The following TMEM63B variants were observed in gnomAD, a reference collection of about 807,000 sequenced individuals.
TMEM63B encodes the protein mechanosensitive cation channel TMEM63B.
TMEM63B carries 23 observed loss-of-function variants against 102.6 expected under a neutral mutation model. That is an observed-to-expected ratio of 0.22 (90% CI 0.16 to 0.32). The LOEUF is 0.32. TMEM63B is among the 10% of genes least tolerant of loss of function. TMEM63B has a pLI of 1.00. For missense variants in TMEM63B, 628 were observed against 1,095.9 expected (o/e 0.57, Z 6.03); for synonymous variants, 444 against 437.0 (o/e 1.02, Z -0.20).
intron 22 of TMEM63B, 21 bp from the exon 23 acceptor site, chr6:44,154,344 A>G (rs1240440511): frequency 6.2e-7 from 1 of 1,613,378 alleles, no homozygotes; most frequent in Non-Finnish European, 8.5e-7. Context: ...CCACTTCCTG[A>G]CTCATTCTGG....
intron 10 of TMEM63B, among the ~76,000 whole-genome samples, 187 bp from the exon 11 acceptor site, chr6:44,146,660 A>G (rs1348910865): frequency 1.3e-5 from 2 of 152,068 alleles, no homozygotes; most frequent in Non-Finnish European, 2.9e-5. Flanking sequence ...CATGTTGGCC[A>G]GGCTGGTTTC....
chr6:44,141,210 T>G, intron 10 of TMEM63B, 112 bp downstream of exon 10: 1 of 1,068,102 alleles, frequency 9.4e-7, no homozygotes, highest in South Asian at 1.6e-5. Context: ...GTGGGTGGGA[T>G]AGAGATTAGA....
intron 20 of TMEM63B, 124 bp from the exon 21 acceptor site, chr6:44,153,552 G>A (rs1767279973): frequency 8.6e-7 from 1 of 1,160,086 alleles, no homozygotes; most frequent in Non-Finnish European, 1.2e-6. Flanking sequence ...ATCCCGTCCT[G>A]GGGCCCGGGC....
intron 21 of TMEM63B, 93 bp from the exon 22 acceptor site, chr6:44,153,980 G>A (rs958229813): frequency 6.4e-7 from 1 of 1,551,990 alleles, no homozygotes; most frequent in South Asian, 1.2e-5. Flanking sequence ...TGTAGCACCT[G>A]GGAGAGTGAG....
At chr6:44,146,825 T>A (rs751703204) in intron 10 of TMEM63B, 22 bp from the exon 11 acceptor site, 3 of 1,613,392 alleles carry the variant, frequency 1.9e-6, no homozygotes, top group Non-Finnish European at 2.5e-6. Context: ...CTGCACAAGA[T>A]GATACATGAA....
At chr6:44,144,584 TA>T (rs754947859) in intron 10 of TMEM63B, among the ~76,000 whole-genome samples, 78 of 145,332 alleles carry the variant, frequency 5.4e-4, no homozygotes, top group African/African-American at 1.3e-3. Flanking sequence ...GTCCTTCATT[TA>T]AAAAAAAAAA....
chr6:44,153,631 C>A (rs374709091), intron 20 of TMEM63B, 45 bp from the exon 21 acceptor site: 1 of 1,588,018 alleles, frequency 6.3e-7, no homozygotes, highest in Non-Finnish European at 8.6e-7. Flanking sequence ...ACAAAAGGTT[C>A]GGCAGCACTG....
Position 44,135,271 on chromosome 6 carries a change from C to T in TMEM63B, c.240-57C>T, listed in dbSNP as rs573290252. On this transcript the variant is annotated intron_variant, in intron 3 of 23. Transcript: ENST00000323267. ...CCCTAAGTTGGGCCCCTGTTCCTCA[C>T]CTGTCCCCAGGGACTCTCCCCCGCC... The T allele has an allele frequency of 5.7e-6, 9 of 1,589,210 alleles. No individual in the cohort carries two copies. The South Asian group carries it at 9.1e-5, about 16-fold the overall frequency.
intron 18 of TMEM63B, among the ~76,000 whole-genome samples, chr6:44,151,184 C>T (rs1047462577): frequency 6.6e-6 from 1 of 152,012 alleles, no homozygotes; most frequent in Admixed American, 6.5e-5. Flanking sequence ...AGTACAAGTT[C>T]TGGGAACATC....
rs1252746747 is a variant in TMEM63B at position 44,148,620 on chromosome 6, C to T, written c.1229C>T (p.Ser410Phe). The change falls in exon 14 of 24, where the codon TCC becomes TTC. Residue 410 changes from serine (S) to phenylalanine (F), a missense_variant. Around this residue, in one of 6 missense-constraint regions of TMEM63B, gnomAD observed 336 missense variants for 580.3 expected, o/e 0.58. Transcript: ENST00000323267. This position sits in a 1 kb window ranked among gnomAD's most constrained non-coding sequence, Gnocchi z 5.1. Reference sequence around the variant, plus strand: ...CTGCACATCTCCAACTGGACCGTGTCCTATGCCCCTGACCCTCAGAACATC... The same window carrying T: ...CTGCACATCTCCAACTGGACCGTGTTCTATGCCCCTGACCCTCAGAACATC... ...ESLHISNWTVSYAPDPQNIYW... is the reference protein window; with the variant it reads ...ESLHISNWTVFYAPDPQNIYW... 20 of 1,614,116 alleles carry T rather than the reference C, an allele frequency of 1.2e-5. No individual in the cohort carries two copies. The highest frequency in any genetic ancestry group is 4.5e-5 in the East Asian group (2 of 44,902).
intron 1 of TMEM63B, among the ~76,000 whole-genome samples, chr6:44,133,087 G>A (rs1014991779): frequency 6.6e-6 from 1 of 152,186 alleles, no homozygotes; most frequent in Non-Finnish European, 1.5e-5. Flanking sequence ...TCTTGAAACT[G>A]AGGGCACTGG....
chr6:44,127,471 C>T (rs1310341877), upstream of TMEM63B: 2 of 151,832 alleles, frequency 1.3e-5, no homozygotes, highest in Non-Finnish European at 2.9e-5. Context: ...AGAGTGCGCG[C>T]GCACCTTGCG....
intron 1 of TMEM63B, among the ~76,000 whole-genome samples, chr6:44,130,916 C>T (rs1562111766): frequency 6.7e-6 from 1 of 149,576 alleles, no homozygotes; most frequent in Non-Finnish European, 1.5e-5. Flanking sequence ...CCCACCCTGC[C>T]TACTACTACT....
In TMEM63B at chr6:44,148,546, G is replaced by A; in HGVS notation, c.1155G>A (p.Gln385=). ...ILKDFNVCKC[Q]GCTCRGEPRP... is the part of the protein sequence containing the mutation. Reference sequence around the variant, plus strand: ...AGGACTTCAACGTGTGTAAATGCCAGGGCTGCACCTGCCGTGGGGAGCCAC... The same window carrying A: ...AGGACTTCAACGTGTGTAAATGCCAAGGCTGCACCTGCCGTGGGGAGCCAC... Residue 385 remains glutamine (Q), a synonymous_variant, in exon 14 of 24, where the codon CAG becomes CAA. Transcript: ENST00000323267. The surrounding 1 kb of genome is among the most constrained non-coding windows in gnomAD (Gnocchi z 5.1). The A allele has an allele frequency of 6.2e-7, 1 of 1,614,224 alleles. No individual in the cohort carries two copies. Among genetic ancestry groups the A allele is most frequent in the Non-Finnish European group, 8.5e-7 (1 of 1,180,042 alleles).
At chr6:44,134,454 C>T in intron 1 of TMEM63B, 107 bp from the exon 2 acceptor site, 1 of 1,208,688 alleles carries the variant, frequency 8.3e-7, no homozygotes, top group South Asian at 1.6e-5. Flanking sequence ...TTCCATCCAC[C>T]CAGGCAGCCT....
At position 44,148,123 on chromosome 6, in the gene TMEM63B, C is replaced by CA. The variant is rs371607572; in HGVS notation, c.988-116dup. 78,949 of 1,129,248 alleles carry CA rather than the reference C, an allele frequency of 0.07. 45 individuals carry two copies. The highest frequency in any genetic ancestry group is 0.11 in the Middle Eastern group (337 of 3,124). 70.0% of individuals were successfully genotyped at this position (1,129,248 alleles called of 1,614,324 possible). A position where few individuals can be genotyped will look rare whatever the true frequency, so the allele number is the denominator to read the frequency against. On this transcript the variant is annotated intron_variant, in intron 12 of 23. Transcript: ENST00000323267. The surrounding 1 kb of genome is among the most constrained non-coding windows in gnomAD (Gnocchi z 5.1). ...GGGCATCAGAGCGAGACGCTGTTTCCAAAAAAAAAAAAATGCTTAGAGGAG... is the reference window on the plus strand; with the variant it reads ...GGGCATCAGAGCGAGACGCTGTTTCCAAAAAAAAAAAAAATGCTTAGAGGAG...
At position 44,149,445 on chromosome 6, in the gene TMEM63B, T is replaced by C. The variant is rs527645037; in HGVS notation, c.1414-414T>C. Among the ~76,000 whole-genome samples the C allele has an allele frequency of 4.6e-5, 7 of 152,240 alleles. No individual in the cohort carries two copies. In the South Asian group the frequency reaches 1.5e-3, roughly 32 times the overall value. On this transcript the variant is annotated intron_variant, in intron 15 of 23. Transcript: ENST00000323267. ...AGTTTGAAGAAGGACAGTTTGCAAA[T>C]CACTTGGAGTGATAATACCATAATA...
chr6:44,152,446 C>T lies in TMEM63B; in HGVS notation c.1837-147C>T. The T allele has an allele frequency of 1.5e-6, 1 of 653,140 alleles. No individual in the cohort carries two copies. The highest frequency in any genetic ancestry group is 2.7e-6 in the Non-Finnish European group (1 of 370,162). 40.5% of individuals were successfully genotyped at this position (653,140 alleles called of 1,614,324 possible). On this transcript the variant is annotated intron_variant, in intron 19 of 23. Coordinates refer to ENST00000323267, the MANE Select transcript of TMEM63B (RefSeq NM_018426.3). The surrounding 1 kb of genome is among the most constrained non-coding windows in gnomAD (Gnocchi z 6.4). ...TAGCCCCTCTCTCCATCTGCTCTGC[C>T]CTACCCTACCCTAGACATTAGGTCC... is the stretch of plus-strand genomic sequence containing the variant.
At position 44,139,552 on chromosome 6, in the gene TMEM63B, G is replaced by T. The variant is rs1298029595; in HGVS notation, c.493G>T (p.Val165Leu). Residue 165 changes from valine (V) to leucine (L), a missense_variant, in exon 7 of 24, where the codon GTG becomes TTG. By Grantham distance (32) the Val-to-Leu change is conservative. This residue lies in a region of TMEM63B where 336 missense variants were observed against 580.3 expected (regional missense o/e 0.58). Transcript: ENST00000323267. ...GCACATCATCGGGCTGCTGGTGGTT[G>T]TGGGCGTCCTCTCCGTAGGCATCGT... Reference protein sequence around the residue: ...QRHIIGLLVVVGVLSVGIVLP... With the variant: ...QRHIIGLLVVLGVLSVGIVLP... The T allele has an allele frequency of 1.2e-6, 2 of 1,614,252 alleles. No homozygotes were observed. The highest frequency in any genetic ancestry group is 3.3e-5 in the Admixed American group (2 of 60,030).
Sources: gnomAD v4.1 joint callset for allele counts (sites outside exome capture counted in the v4.1 genomes callset) on GRCh38, gnomAD v4.1.1 for gene constraint, gnomAD v4.1.1 regional missense constraint, Gnocchi (gnomAD v3.1) non-coding constraint, MANE v1.5 for transcripts, NCBI Gene and HGNC (gene_info 2026-07-23, HGNC 2026-07-21) for gene names.